Variants in CYTH4 observed in about 807,000 individuals in gnomAD.
The protein encoded by CYTH4 is cytohesin 4, also known as cytohesin-4.
In CYTH4, 22 loss-of-function variants were observed where a neutral mutation model predicts 57.5. The observed-to-expected ratio is 0.38, with a 90% CI of 0.27 to 0.55. The LOEUF (loss-of-function observed/expected upper bound fraction) is 0.55, where lower values mean the gene tolerates loss of function less well. CYTH4 is among the 20% of genes least tolerant of loss of function. The pLI, the probability that CYTH4 is intolerant of heterozygous loss-of-function variation, is 0.74. For missense variants in CYTH4, 420 were observed against 535.6 expected (o/e 0.78, Z 2.13); for synonymous variants, 186 against 206.5 (o/e 0.90, Z 0.85).
intron 1 of CYTH4, among the ~76,000 whole-genome samples, chr22:37,286,939 G>A (rs527849773): frequency 2.0e-4 from 31 of 152,278 alleles, no homozygotes; most frequent in African/African-American, 6.7e-4. Context: ...CGGCTGGGAT[G>A]ACAGTGGAGC....
In CYTH4 at chr22:37,312,176, T is replaced by C; in HGVS notation, c.1112+2T>C. On this transcript the variant is annotated splice_donor_variant, in intron 12 of 12. Transcript: ENST00000248901. LOFTEE classifies it high-confidence loss of function. ...TGACCAGTGGATCGAGTCCATCCGG[T>C]AAGGGGTGCCCAGGTCTGGGGACGG... 6.2e-7 allele frequency: 1 copy of C among 1,613,622 alleles called. No individual in the cohort carries two copies.
intron 1 of CYTH4, among the ~76,000 whole-genome samples, chr22:37,285,221 C>CG: frequency 6.6e-6 from 1 of 152,100 alleles, no homozygotes; most frequent in East Asian, 1.9e-4. Context: ...GGGGAGGAGC[C>CG]GGGGAGATGG....
intron 9 of CYTH4, among the ~76,000 whole-genome samples, chr22:37,310,365 A>C (rs1929595151): frequency 6.6e-6 from 1 of 152,166 alleles, no homozygotes; most frequent in Admixed American, 6.5e-5. Context: ...CAGGTTCTTC[A>C]GCCTCAGTTT....
intron 7 of CYTH4, among the ~76,000 whole-genome samples, chr22:37,301,722 A>G (rs6000655): frequency 0.7 from 91,629 of 131,112 alleles, 32,912 homozygotes; most frequent in African/African-American, 0.85. Flanking sequence ...GAGAGAAAGA[A>G]AGTCTGTCTC....
chr22:37,309,948 G>A (rs755122793), intron 9 of CYTH4: 17 of 457,086 alleles, frequency 3.7e-5, no homozygotes, highest in East Asian at 7.2e-5. Context: ...CCCAGTGCCC[G>A]GCCGTCTGCC....
chr22:37,308,975 G>A (rs1239980520), intron 8 of CYTH4, among the ~76,000 whole-genome samples: 1 of 152,140 alleles, frequency 6.6e-6, no homozygotes, highest in Non-Finnish European at 1.5e-5. Flanking sequence ...ACAGAGGGAA[G>A]CATGACCGGG....
At chr22:37,310,092 T>C (rs1929585352) in intron 9 of CYTH4, 9 of 449,426 alleles carry the variant, frequency 2.0e-5, no homozygotes, top group South Asian at 1.3e-4. Context: ...TCCAGCAACA[T>C]TGAGCCTCCA....
In CYTH4 at chr22:37,304,394, AG is replaced by A. The variant is rs963385599; in HGVS notation, c.696+997del. 2.5e-5 allele frequency: 10 copies of A among 404,364 alleles called. No homozygotes were observed. The Admixed American group carries it at 2.8e-4, about 11-fold the overall frequency. 25.0% of individuals were successfully genotyped at this position (404,364 alleles called of 1,614,324 possible). On this transcript the variant is annotated intron_variant, in intron 8 of 12. Transcript: ENST00000248901. Reference sequence around the variant, plus strand: ...TGTTTCCTATGGGCCACAGGGAGCCAGGGGGTATTCATAAGAACAGGAAGGA... The same window carrying A: ...TGTTTCCTATGGGCCACAGGGAGCCAGGGGTATTCATAAGAACAGGAAGGA...
At chr22:37,300,836 G>A in intron 6 of CYTH4, 71 bp from the exon 7 acceptor site, 1 of 1,258,766 alleles carries the variant, frequency 7.9e-7, no homozygotes, top group Non-Finnish European at 1.1e-6. Context: ...ACCTGGGAGA[G>A]GCAGGGCAGC....
At chr22:37,309,455 T>A in intron 9 of CYTH4, 132 bp downstream of exon 9, 1 of 777,914 alleles carries the variant, frequency 1.3e-6, no homozygotes. Flanking sequence ...GGGGATGGAG[T>A]TGGACAGCCC....
rs746018841 is a variant in CYTH4 at position 37,309,208 on chromosome 22, G to A, written c.697-4G>A. ...AGGTCTTTCTCTCCCTTGTCTTGGG[G>A]CAGAACCTCTTCGACAGCATCAAGA... On this transcript the variant is annotated splice_polypyrimidine_tract_variant and splice_region_variant and intron_variant, in intron 8 of 12. Coordinates refer to ENST00000248901, the MANE Select transcript of CYTH4 (RefSeq NM_013385.5). 17 of 1,613,834 alleles carry A rather than the reference G, an allele frequency of 1.1e-5. No individual in the cohort carries two copies. In the South Asian group the frequency reaches 1.9e-4, roughly 18 times the overall value.
chr22:37,311,968 G>T lies in CYTH4; in HGVS notation c.958-52G>T. 1 of 1,592,072 alleles carries T rather than the reference G, an allele frequency of 6.3e-7. No individual in the cohort carries two copies. The highest frequency in any genetic ancestry group is 8.6e-7 in the Non-Finnish European group (1 of 1,166,148). ...CTGGGCTTCTCTGAGCCTCCTGGAG[G>T]GCCCACCCAGCCTCCCTCTCTTCCC... On this transcript the variant is annotated intron_variant, in intron 11 of 12. Transcript: ENST00000248901. This position sits in a 1 kb window ranked among gnomAD's most constrained non-coding sequence, Gnocchi z 4.4.
In CYTH4 at chr22:37,311,423, C is replaced by T; in HGVS notation, c.886-33C>T. ...GCCTTGGGCCTCAGGGTTCCGCTTC[C>T]TGACCCTGACCTTCCTTCCCCTTTC... On this transcript the variant is annotated intron_variant, in intron 10 of 12. Transcript: ENST00000248901. The surrounding 1 kb of genome is among the most constrained non-coding windows in gnomAD (Gnocchi z 4.4). 6.2e-7 allele frequency: 1 copy of T among 1,600,180 alleles called. No individual in the cohort carries two copies. Among genetic ancestry groups the T allele is most frequent in the Non-Finnish European group, 8.6e-7 (1 of 1,167,322 alleles).
rs528058669 is a variant in CYTH4, at chr22:37,314,375, C to G, written c.*864C>G. 51 of 398,722 alleles carry G rather than the reference C, an allele frequency of 1.3e-4. 1 individual carries two copies. In the South Asian group the frequency reaches 5.5e-3, roughly 43 times the overall value. 24.7% of individuals were successfully genotyped at this position (398,722 alleles called of 1,614,324 possible). A position where few individuals can be genotyped will look rare whatever the true frequency, so the allele number is the denominator to read the frequency against. On this transcript the variant is annotated 3_prime_UTR_variant, in exon 13 of 13. Transcript: ENST00000248901. ...GCAGGTGGGACCCTCAAGAAAATGA[C>G]GGAGAACATCCCAGACAGATGGGAC...
At position 37,293,924 on chromosome 22, in the gene CYTH4, G is replaced by A. The variant is rs1202710097; in HGVS notation, c.103-736G>A. 8.6e-5 allele frequency among the ~76,000 whole-genome samples: 13 copies of A among 151,826 alleles called. 1 individual carries two copies. Among genetic ancestry groups the A allele is most frequent in the Admixed American group, 8.5e-4 (13 of 15,238 alleles). On this transcript the variant is annotated intron_variant, in intron 2 of 12. Transcript: ENST00000248901. ...TCAGTGTCCTCTTCTGTAAAGTCCA[G>A]GGGAATTGCAAAGTCCCTGGAAAGA...
In CYTH4 at chr22:37,313,480, C is replaced by G; in HGVS notation, c.1154C>G (p.Thr385Ser). 1 of 1,614,230 alleles carries G rather than the reference C, an allele frequency of 6.2e-7. No individual in the cohort carries two copies. Among genetic ancestry groups the G allele is most frequent in the Admixed American group, 1.7e-5 (1 of 60,024 alleles). Residue 385 changes from threonine to serine, a missense_variant, in exon 13 of 13, where the codon ACT becomes AGT. By Grantham distance (58) the Thr-to-Ser change is moderately conservative (BLOSUM62 1). Transcript: ENST00000248901. The part of the protein sequence containing the change: ...TRVPFYDLVS[T>S]RKKKIASKQ ...GTCCCCTTCTACGACCTGGTCTCTA[C>G]TCGGAAGAAGAAGATTGCCAGCAAG...
chr22:37,285,518 C>T (rs943552195), intron 1 of CYTH4, among the ~76,000 whole-genome samples: 1 of 151,940 alleles, frequency 6.6e-6, no homozygotes, highest in African/African-American at 2.4e-5. Flanking sequence ...CCAACCTGGC[C>T]AACATGGTGA....
intron 5 of CYTH4, chr22:37,297,912 G>A (rs1372667789): frequency 1.4e-5 from 6 of 414,152 alleles, no homozygotes; most frequent in Admixed American, 7.3e-5. Context: ...TGTGTTCCAG[G>A]CACCATCCTA....
In CYTH4 at chr22:37,311,395, C is replaced by A; in HGVS notation, c.886-61C>A. 6.8e-7 allele frequency: 1 copy of A among 1,464,928 alleles called. No individual in the cohort carries two copies. The allele number at this position is 1,464,928 out of a possible 1,614,324, so 90.7% of individuals were successfully genotyped here. On this transcript the variant is annotated intron_variant, in intron 10 of 12. Coordinates refer to ENST00000248901, the MANE Select transcript of CYTH4 (RefSeq NM_013385.5). This position sits in a 1 kb window ranked among gnomAD's most constrained non-coding sequence, Gnocchi z 4.4. ...TTTGGGGAACCCCACACGTTCACAC[C>A]CTGCCTTGGGCCTCAGGGTTCCGCT...
Sources: gnomAD v4.1 joint callset for allele counts (sites outside exome capture counted in the v4.1 genomes callset) on GRCh38, gnomAD v4.1.1 for gene constraint, Gnocchi (gnomAD v3.1) non-coding constraint, MANE v1.5 for transcripts, NCBI Gene and HGNC (gene_info 2026-07-23, HGNC 2026-07-21) for gene names.